ECPAS: variants seen among roughly 807,000 people sequenced by gnomAD.
ECPAS encodes the protein Ecm29 proteasome adaptor and scaffold.
A neutral mutation model predicts 255.1 loss-of-function variants in ECPAS; 70 were observed. The ratio of observed to expected loss-of-function variants is 0.27; its 90% CI spans 0.23 to 0.33. The LOEUF (loss-of-function observed/expected upper bound fraction) is 0.33, where lower values mean the gene tolerates loss of function less well. Ranked by LOEUF, ECPAS falls within the 10% of genes least tolerant of loss-of-function variation. The probability of loss-of-function intolerance (pLI) is 1.00; values close to 1 mark genes in which losing one functional copy is unlikely to be tolerated. For synonymous variants in ECPAS, 784 were observed against 775.0 expected, an observed-to-expected ratio of 1.01 and a Z score of -0.19; for missense variants, 1,817 against 2,206.4, an observed-to-expected ratio of 0.82 and a Z score of 3.54.
intron 17 of ECPAS, among the ~76,000 whole-genome samples, chr9:111,416,853 G>A (rs1366692496): frequency 6.6e-6 from 1 of 152,162 alleles, no homozygotes; most frequent in Non-Finnish European, 1.5e-5. Context: ...TCAAGGCCTG[G>A]AGGGGGTGGA....
Position 111,472,995 on chromosome 9 carries a change from A to C in ECPAS, c.-77T>G. The stretch of plus-strand genomic sequence containing the variant: ...CCACTCGTACATATGCAATTGTATA[A>C]AGAATCTATTATTTAGAACACCAAA... On this transcript the variant is annotated 5_prime_UTR_variant, in exon 2 of 50. Transcript: ENST00000684092. The C allele has an allele frequency of 9.0e-7, 1 of 1,105,454 alleles. No individual in the cohort carries two copies. The allele number at this position is 1,105,454 out of a possible 1,614,324, so 68.5% of individuals were successfully genotyped here. A position where few individuals can be genotyped will look rare whatever the true frequency, so the allele number is the denominator to read the frequency against.
intron 37 of ECPAS, among the ~76,000 whole-genome samples, chr9:111,376,107 T>C (rs1185799264): frequency 6.6e-6 from 1 of 152,174 alleles, no homozygotes; most frequent in African/African-American, 2.4e-5. Flanking sequence ...ACCTACTTCA[T>C]TAAATACCTC....
At chr9:111,441,874 A>C (rs930825596) in intron 5 of ECPAS, among the ~76,000 whole-genome samples, 1 of 152,228 alleles carries the variant, frequency 6.6e-6, no homozygotes, top group African/African-American at 2.4e-5. Context: ...TAAGCCTAGA[A>C]ACAAATGATG....
intron 16 of ECPAS, among the ~76,000 whole-genome samples, chr9:111,418,321 T>C (rs2098207684): frequency 6.6e-6 from 1 of 152,198 alleles, no homozygotes; most frequent in Non-Finnish European, 1.5e-5. Flanking sequence ...AGTTAAACCA[T>C]AAACAACTAT....
intron 1 of ECPAS, among the ~76,000 whole-genome samples, chr9:111,483,182 C>CGGG (rs1413567030): frequency 8.6e-5 from 13 of 152,034 alleles, no homozygotes; most frequent in Admixed American, 7.9e-4. Context: ...GGGCTCCGGC[C>CGGG]CTCCCGCCAG....
chr9:111,448,368 T>C (rs2098256000), intron 3 of ECPAS, among the ~76,000 whole-genome samples: 1 of 152,034 alleles, frequency 6.6e-6, no homozygotes, highest in African/African-American at 2.4e-5. Flanking sequence ...ACAATACTAA[T>C]TTTGGATAAA....
chr9:111,437,508 T>C (rs1178382909), intron 6 of ECPAS, among the ~76,000 whole-genome samples: 1 of 152,128 alleles, frequency 6.6e-6, no homozygotes, highest in African/African-American at 2.4e-5. Flanking sequence ...AAGGAGAGTA[T>C]TTTTACAGTC....
rs761395902 is a variant in ECPAS at position 111,386,413 on chromosome 9, T to C, written c.3491A>G (p.Asn1164Ser). The C allele has an allele frequency of 5.0e-6, 8 of 1,604,266 alleles. No individual in the cohort carries two copies. Among genetic ancestry groups the C allele is most frequent in the Admixed American group, 1.7e-5 (1 of 59,520 alleles). Residue 1164 changes from asparagine to serine, a missense_variant, in exon 32 of 50, where the codon AAC becomes AGC. Transcript: ENST00000684092. ...LKEILQDLVKNLTSNMWRVRE... is the reference protein window; with the variant it reads ...LKEILQDLVKSLTSNMWRVRE... ...AACTCGCCACATATTGCTTGTAAGG[T>C]TCTTAACCAAATCTTGAAGAATTTC...
chr9:111,414,960 C>A (rs984867563), intron 18 of ECPAS, among the ~76,000 whole-genome samples: 5 of 152,032 alleles, frequency 3.3e-5, no homozygotes, highest in African/African-American at 9.7e-5. Flanking sequence ...CATGTTCTCA[C>A]TTATAAGTGG....
At position 111,385,030 on chromosome 9, in the gene ECPAS, T is replaced by G. The variant is rs1010330741; in HGVS notation, c.3633+307A>C. ...ATTACTTGAGAATAATTAATCCCAT[T>G]TACAGAACTGATCAAAATACTGTTA... On this transcript the variant is annotated intron_variant, in intron 33 of 49. Transcript: ENST00000684092. 3.3e-5 allele frequency among the ~76,000 whole-genome samples: 5 copies of G among 152,190 alleles called. No homozygotes were observed. The South Asian group carries it at 1.0e-3, about 32-fold the overall frequency.
intron 2 of ECPAS, among the ~76,000 whole-genome samples, chr9:111,468,655 G>A (rs1564566605): frequency 3.6e-5 from 5 of 140,292 alleles, no homozygotes; most frequent in East Asian, 2.5e-4. Flanking sequence ...GAGAGAGAGC[G>A]AGCGTGTGTG....
intron 35 of ECPAS, among the ~76,000 whole-genome samples, chr9:111,382,733 C>T (rs1303664874): frequency 6.6e-6 from 1 of 152,114 alleles, no homozygotes; most frequent in Non-Finnish European, 1.5e-5. Flanking sequence ...AGATAAAGTT[C>T]CTAGACAGCA....
At position 111,414,658 on chromosome 9, in the gene ECPAS, A is replaced by G. The variant is rs1416982029; in HGVS notation, c.1765-7T>C. On this transcript the variant is annotated splice_region_variant and splice_polypyrimidine_tract_variant and intron_variant, in intron 18 of 49. Transcript: ENST00000684092. ...TGCGCAAGTACAGAACGATCTACAAACAGAACGGAGAGGAAGACTGCATAA... is the reference window on the plus strand; with the variant it reads ...TGCGCAAGTACAGAACGATCTACAAGCAGAACGGAGAGGAAGACTGCATAA... The G allele has an allele frequency of 6.2e-7, 1 of 1,605,832 alleles. No individual in the cohort carries two copies. The highest frequency in any genetic ancestry group is 8.5e-7 in the Non-Finnish European group (1 of 1,174,926).
At chr9:111,375,923 C>G (rs549019856) in intron 37 of ECPAS, among the ~76,000 whole-genome samples, 1 of 152,230 alleles carries the variant, frequency 6.6e-6, no homozygotes, top group Admixed American at 6.5e-5. Context: ...CCAGTAAACA[C>G]AATCATAGCT....
chr9:111,473,619 G>A (rs1173800376), intron 1 of ECPAS, among the ~76,000 whole-genome samples: 1 of 152,146 alleles, frequency 6.6e-6, no homozygotes, highest in African/African-American at 2.4e-5. Flanking sequence ...TCAGAACCAA[G>A]GTTCCCACAC....
intron 46 of ECPAS, among the ~76,000 whole-genome samples, chr9:111,368,720 T>C (rs943277736): frequency 2.6e-5 from 4 of 151,846 alleles, no homozygotes; most frequent in Admixed American, 2.6e-4. Flanking sequence ...AGGAGAGAGG[T>C]CTCAGGAGAA....
At chr9:111,414,794 T>C (rs1011240321) in intron 18 of ECPAS, 143 bp from the exon 19 acceptor site, 40 of 688,464 alleles carry the variant, frequency 5.8e-5, no homozygotes, top group Non-Finnish European at 8.7e-5. Flanking sequence ...AGGCAGAAAA[T>C]ATGCCATAAT....
At chr9:111,373,466 C>T (rs2098129794) in intron 39 of ECPAS, 60 bp from the exon 40 acceptor site, 1 of 1,413,320 alleles carries the variant, frequency 7.1e-7, no homozygotes, top group African/African-American at 1.4e-5. Flanking sequence ...CCACTCTGTT[C>T]CCAGAACCCA....
chr9:111,366,668 A>G, intron 46 of ECPAS, 41 bp from the exon 47 acceptor site: 2 of 1,304,978 alleles, frequency 1.5e-6, no homozygotes, highest in South Asian at 1.2e-5. Context: ...AGGAGACAGT[A>G]TAAAAGAACA....
Sources: gnomAD v4.1 joint callset for allele counts (sites outside exome capture counted in the v4.1 genomes callset) on GRCh38, gnomAD v4.1.1 for gene constraint, MANE v1.5 for transcripts, NCBI Gene and HGNC (gene_info 2026-07-23, HGNC 2026-07-21) for gene names.